ASXL3: variants seen among roughly 807,000 people sequenced by gnomAD.
ASXL3 encodes putative Polycomb group protein ASXL3.
A neutral mutation model predicts 170.6 loss-of-function variants in ASXL3; 34 were observed. That is an observed-to-expected ratio of 0.20 (90% CI 0.15 to 0.27). The LOEUF (loss-of-function observed/expected upper bound fraction) is 0.27. Ranked by LOEUF, ASXL3 falls within the 10% of genes least tolerant of loss-of-function variation. The pLI is 1.00. For missense variants in ASXL3, 2,592 were observed against 2,695.3 expected (o/e 0.96, Z 0.85); for synonymous variants, 1,002 against 989.1 (o/e 1.01, Z -0.24).
intron 1 of ASXL3, among the ~76,000 whole-genome samples, chr18:33,583,903 A>G (rs1390062075): frequency 6.6e-6 from 1 of 152,182 alleles, no homozygotes; most frequent in Admixed American, 6.5e-5. Context: ...GCTCCTATGT[A>G]TATGATTCAG....
chr18:33,694,241 G>A (rs1322194416), intron 8 of ASXL3, among the ~76,000 whole-genome samples: 1 of 152,114 alleles, frequency 6.6e-6, no homozygotes, highest in African/African-American at 2.4e-5. Flanking sequence ...TGTGCATAGC[G>A]TTCTGCAAGA....
chr18:33,651,686 A>C (rs986110856), intron 4 of ASXL3, among the ~76,000 whole-genome samples: 11 of 152,134 alleles, frequency 7.2e-5, no homozygotes, highest in African/African-American at 2.2e-4. Flanking sequence ...CATTTAGGGG[A>C]TAAGCAGAGA....
chr18:33,706,555 G>T (rs1599521415), intron 8 of ASXL3, among the ~76,000 whole-genome samples: 2 of 151,890 alleles, frequency 1.3e-5, no homozygotes, highest in East Asian at 1.9e-4. Flanking sequence ...TGTTCATAGT[G>T]GTTTTAGTTT....
intron 1 of ASXL3, among the ~76,000 whole-genome samples, chr18:33,595,042 C>T (rs187740842): frequency 6.6e-6 from 1 of 152,110 alleles, no homozygotes; most frequent in Non-Finnish European, 1.5e-5. Context: ...GTCTACTGGT[C>T]TGTAGAAAGC....
rs777334507 is a variant in ASXL3, at chr18:33,743,447, T to C, written c.3599T>C (p.Val1200Ala). 1.9e-6 allele frequency: 3 copies of C among 1,613,566 alleles called. No individual in the cohort carries two copies. Among genetic ancestry groups the C allele is most frequent in the Non-Finnish European group, 1.7e-6 (2 of 1,179,880 alleles). The part of the protein sequence containing the change: ...KLPETATDLS[V>A]HSSDENIPVS... ...CCAGAAACTGCCACTGACTTATCTGTGCATAGTTCTGATGAAAACATACCT... is the reference window on the plus strand; with the variant it reads ...CCAGAAACTGCCACTGACTTATCTGCGCATAGTTCTGATGAAAACATACCT... The change falls in exon 12 of 12, where the codon GTG becomes GCG. Residue 1200 changes from valine (V) to alanine (A), a missense_variant. By Grantham distance (64) the Val-to-Ala change is moderately conservative (BLOSUM62 0). Coordinates refer to ENST00000269197, the MANE Select transcript of ASXL3 (RefSeq NM_030632.3).
At chr18:33,600,805 G>A (rs974202313) in intron 1 of ASXL3, among the ~76,000 whole-genome samples, 29 of 152,064 alleles carry the variant, frequency 1.9e-4, no homozygotes, top group Non-Finnish European at 7.4e-5. Context: ...CTGTGCTCAG[G>A]TTTTATGACC....
chr18:33,607,907 G>A (rs530292589), intron 2 of ASXL3, among the ~76,000 whole-genome samples: 53 of 152,064 alleles, frequency 3.5e-4, no homozygotes, highest in Non-Finnish European at 6.3e-4. Flanking sequence ...TCTTAACAAA[G>A]AACAGCACTG....
chr18:33,584,839 CACAT>C (rs1288829711), intron 1 of ASXL3, among the ~76,000 whole-genome samples: 1 of 151,582 alleles, frequency 6.6e-6, no homozygotes, highest in African/African-American at 2.4e-5. Context: ...TGCATGCACA[CACAT>C]ACACATACAC....
chr18:33,610,192 G>C (rs2065312181), intron 2 of ASXL3, among the ~76,000 whole-genome samples: 1 of 152,042 alleles, frequency 6.6e-6, no homozygotes, highest in African/African-American at 2.4e-5. Flanking sequence ...AGTAAATGAA[G>C]TGTAACTGTA....
intron 1 of ASXL3, among the ~76,000 whole-genome samples, chr18:33,599,390 G>A (rs2065160849): frequency 6.6e-6 from 1 of 152,120 alleles, no homozygotes; most frequent in African/African-American, 2.4e-5. Flanking sequence ...AACATGTATA[G>A]ATAAAGTATA....
intron 8 of ASXL3, among the ~76,000 whole-genome samples, chr18:33,711,289 G>A (rs762851815): frequency 9.2e-5 from 14 of 151,604 alleles, no homozygotes; most frequent in African/African-American, 2.2e-4. Context: ...TTTTTTATGC[G>A]CTTGTATGCA....
In ASXL3 at chr18:33,738,490, G is replaced by A; in HGVS notation, c.1086G>A (p.Leu362=). ...TTTATTTCTAATTTCTGTACAGGCT[G>A]GGCATGTCAAGAGAGGAATCTGTGA... ...KFFERFYGEK[L]GMSREESVKL... Residue 362 remains leucine (L), a synonymous_variant, in exon 11 of 12, where the codon CTG becomes CTA. Transcript: ENST00000269197. 1.2e-6 allele frequency: 2 copies of A among 1,605,718 alleles called. No individual in the cohort carries two copies. The highest frequency in any genetic ancestry group is 1.7e-6 in the Non-Finnish European group (2 of 1,175,100).
intron 8 of ASXL3, among the ~76,000 whole-genome samples, chr18:33,728,832 A>G (rs1274088242): frequency 6.6e-6 from 1 of 152,166 alleles, no homozygotes; most frequent in Non-Finnish European, 1.5e-5. Flanking sequence ...ACAGCTACCA[A>G]AGTCATCTTT....
intron 1 of ASXL3, among the ~76,000 whole-genome samples, chr18:33,599,770 T>TA (rs2065164962): frequency 6.6e-6 from 1 of 152,118 alleles, no homozygotes; most frequent in South Asian, 2.1e-4. Flanking sequence ...TTTCAGAGCC[T>TA]AAATAACTGG....
chr18:33,709,519 T>G (rs2067020464), intron 8 of ASXL3, among the ~76,000 whole-genome samples: 1 of 152,142 alleles, frequency 6.6e-6, no homozygotes, highest in Non-Finnish European at 1.5e-5. Flanking sequence ...TGAGCATAAC[T>G]GCCCAATACA....
chr18:33,625,237 C>T (rs1454272850), intron 2 of ASXL3, among the ~76,000 whole-genome samples: 2 of 152,100 alleles, frequency 1.3e-5, no homozygotes, highest in Non-Finnish European at 2.9e-5. Context: ...CACTCGTTTG[C>T]ACGTCCTGTA....
In ASXL3 at chr18:33,745,247, C is replaced by G; in HGVS notation, c.5399C>G (p.Pro1800Arg). 6.2e-7 allele frequency: 1 copy of G among 1,613,994 alleles called. No individual in the cohort carries two copies. Among genetic ancestry groups the G allele is most frequent in the Non-Finnish European group, 8.5e-7 (1 of 1,179,896 alleles). Residue 1800 changes from proline to arginine, a missense_variant, in exon 12 of 12, where the codon CCC (proline) becomes CGC (arginine). By Grantham distance (103) the Pro-to-Arg change is moderately radical. Around this residue, in one of 4 missense-constraint regions of ASXL3, gnomAD observed 2,246 missense variants for 2,219.6 expected, o/e 1.01. Coordinates refer to ENST00000269197, the MANE Select transcript of ASXL3 (RefSeq NM_030632.3). ...TAPERNVEIP[P>R]SSPNPDGKGY... is the part of the protein sequence containing the mutation. The stretch of plus-strand genomic sequence containing the variant: ...CCAGAGAGAAACGTTGAAATTCCGC[C>G]CAGCTCTCCAAATCCAGATGGTAAG...
chr18:33,605,502 T>G (rs2065237143), intron 1 of ASXL3: 1 of 152,116 alleles, frequency 6.6e-6, no homozygotes, highest in Admixed American at 6.6e-5. Context: ...ATCCACTTCA[T>G]GATGTAATTC....
At chr18:33,636,095 C>T (rs951015001) in intron 2 of ASXL3, among the ~76,000 whole-genome samples, 25 of 152,082 alleles carry the variant, frequency 1.6e-4, no homozygotes, top group Admixed American at 1.6e-3. Context: ...TATCTTAGGT[C>T]GTAAAAGGCT....
Sources: gnomAD v4.1 joint callset for allele counts (sites outside exome capture counted in the v4.1 genomes callset) on GRCh38, gnomAD v4.1.1 for gene constraint, gnomAD v4.1.1 regional missense constraint, MANE v1.5 for transcripts, NCBI Gene and HGNC (gene_info 2026-07-23, HGNC 2026-07-21) for gene names.